ARMH4: variants seen among roughly 807,000 people sequenced by gnomAD.
ARMH4 encodes the protein armadillo like helical domain containing 4, also known as armadillo-like helical domain-containing protein 4.
ARMH4 carries 49 observed loss-of-function variants against 61.9 expected under a neutral mutation model. The ratio of observed to expected loss-of-function variants is 0.79; its 90% confidence interval spans 0.63 to 1.00. The LOEUF (loss-of-function observed/expected upper bound fraction) is 1.00. ARMH4 is among the 50% of genes least tolerant of loss of function. ARMH4 has a pLI of 0.00. For missense variants in ARMH4, 934 were observed against 930.0 expected, an observed-to-expected ratio of 1.00 and a Z score of -0.06; for synonymous variants, 368 against 341.5, an observed-to-expected ratio of 1.08 and a Z score of -0.85.
At chr14:58,052,895 C>T (rs967553750) in intron 5 of ARMH4, among the ~76,000 whole-genome samples, 4 of 152,082 alleles carry the variant, frequency 2.6e-5, no homozygotes, top group Admixed American at 2.6e-4. Context: ...CCCTACTCTT[C>T]CCCTAACTCA....
intron 5 of ARMH4, among the ~76,000 whole-genome samples, chr14:58,096,384 T>C (rs1306133826): frequency 3.9e-5 from 6 of 152,168 alleles, no homozygotes; most frequent in Non-Finnish European, 7.4e-5. Flanking sequence ...TCCTAAAGCC[T>C]ACAACTGTCT....
intron 4 of ARMH4, among the ~76,000 whole-genome samples, chr14:58,102,289 G>A (rs1327623084): frequency 1.3e-5 from 2 of 152,146 alleles, no homozygotes; most frequent in African/African-American, 4.8e-5. Context: ...AAGAACCATG[G>A]TGGTGCAGTG....
At chr14:58,130,325 C>G (rs1181140135) in intron 4 of ARMH4, among the ~76,000 whole-genome samples, 3 of 152,226 alleles carry the variant, frequency 2.0e-5, no homozygotes, top group African/African-American at 7.2e-5. Flanking sequence ...TCATGTTCCT[C>G]TGTCAGCAGC....
At chr14:58,123,473 T>C (rs1487669791) in intron 4 of ARMH4, among the ~76,000 whole-genome samples, 1 of 152,094 alleles carries the variant, frequency 6.6e-6, no homozygotes, top group Non-Finnish European at 1.5e-5. Context: ...GCCCCTGCAA[T>C]ACTCCAATTT....
In ARMH4 at chr14:58,032,133, G is replaced by A. The variant is rs147160969; in HGVS notation, c.2090-19983C>T. 4.8e-3 allele frequency among the ~76,000 whole-genome samples: 732 copies of A among 152,130 alleles called. 6 individuals are homozygous for A. Among genetic ancestry groups the A allele is most frequent in the African/African-American group, 0.016 (663 of 41,492 alleles). On this transcript the variant is annotated intron_variant, in intron 5 of 7. Transcript: ENST00000267485. Reference sequence around the variant, plus strand: ...CCAGCTTAAAGGGCCCTTCGTCGGAGAGGTCTGTTCTGGGCCCTACACTAG... The same window carrying A: ...CCAGCTTAAAGGGCCCTTCGTCGGAAAGGTCTGTTCTGGGCCCTACACTAG...
intron 4 of ARMH4, among the ~76,000 whole-genome samples, chr14:58,109,927 G>A (rs1356078980): frequency 6.6e-6 from 1 of 152,142 alleles, no homozygotes; most frequent in African/African-American, 2.4e-5. Flanking sequence ...TTCACAAGGT[G>A]GCAGGAGTCA....
chr14:58,025,870 G>C (rs2141155333), intron 5 of ARMH4, among the ~76,000 whole-genome samples: 1 of 152,178 alleles, frequency 6.6e-6, no homozygotes, highest in East Asian at 1.9e-4. Context: ...TTTGCACAGG[G>C]CTAAGTGAAC....
chr14:58,018,059 C>A (rs1882679531), intron 5 of ARMH4, among the ~76,000 whole-genome samples: 1 of 152,140 alleles, frequency 6.6e-6, no homozygotes, highest in Admixed American at 6.5e-5. Flanking sequence ...TTTGTGAAAA[C>A]TGGATATCCA....
rs1881992836 is a variant in ARMH4, at chr14:58,001,771, G to A, written c.*2965C>T. The A allele has an allele frequency of 6.6e-6, 1 of 152,116 alleles. No homozygotes were observed. Among genetic ancestry groups the A allele is most frequent in the African/African-American group, 2.4e-5 (1 of 41,406 alleles). 9.4% of individuals were successfully genotyped at this position (152,116 alleles called of 1,614,324 possible). A position where few individuals can be genotyped will look rare whatever the true frequency, so the allele number is the denominator to read the frequency against. ...CTCATCAGGTCTGGGGCAAGGCCTTGAGATCTGTATGTTTCACAAGTGTCC... is the reference window on the plus strand; with the variant it reads ...CTCATCAGGTCTGGGGCAAGGCCTTAAGATCTGTATGTTTCACAAGTGTCC... On this transcript the variant is annotated 3_prime_UTR_variant, in exon 8 of 8. Transcript: ENST00000267485.
intron 5 of ARMH4, among the ~76,000 whole-genome samples, chr14:58,094,939 T>C (rs1885698763): frequency 1.3e-5 from 2 of 152,206 alleles, no homozygotes; most frequent in Admixed American, 1.3e-4. Context: ...TTGTGTATAA[T>C]ACATACCTCA....
chr14:58,081,775 G>C (rs1284325738), intron 5 of ARMH4, among the ~76,000 whole-genome samples: 4 of 151,976 alleles, frequency 2.6e-5, no homozygotes, highest in Non-Finnish European at 5.9e-5. Flanking sequence ...CAAAGTGCTG[G>C]GATTACAGGC....
intron 4 of ARMH4, among the ~76,000 whole-genome samples, chr14:58,098,271 A>C (rs10148042): frequency 0.51 from 77,251 of 151,898 alleles, 19,883 homozygotes; most frequent in African/African-American, 0.55. Context: ...TTTTATTCTT[A>C]TATGTCCTTT....
intron 4 of ARMH4, among the ~76,000 whole-genome samples, chr14:58,097,616 A>C (rs919655066): frequency 6.6e-6 from 1 of 152,222 alleles, no homozygotes; most frequent in African/African-American, 2.4e-5. Context: ...TCAGAAAGGC[A>C]GCACATTAAA....
At chr14:58,018,975 T>C (rs929368609) in intron 5 of ARMH4, among the ~76,000 whole-genome samples, 1 of 152,156 alleles carries the variant, frequency 6.6e-6, no homozygotes, top group African/African-American at 2.4e-5. Context: ...TGCAGCAACA[T>C]GGATGAGCCT....
chr14:58,119,737 G>A (rs1886658690), intron 4 of ARMH4, among the ~76,000 whole-genome samples: 1 of 152,184 alleles, frequency 6.6e-6, no homozygotes, highest in Non-Finnish European at 1.5e-5. Context: ...GCCTGAGGCT[G>A]AGCACCTGAT....
chr14:58,084,439 T>A (rs1277378397), intron 5 of ARMH4, among the ~76,000 whole-genome samples: 1 of 152,192 alleles, frequency 6.6e-6, no homozygotes, highest in East Asian at 1.9e-4. Context: ...TCCTGTGGGA[T>A]GTGCAATACT....
intron 5 of ARMH4, among the ~76,000 whole-genome samples, chr14:58,032,520 A>C (rs76639005): frequency 0.011 from 1,679 of 152,314 alleles, 32 homozygotes; most frequent in African/African-American, 0.039. Context: ...CATCTAAAGA[A>C]ACATTTAAAG....
intron 4 of ARMH4, among the ~76,000 whole-genome samples, chr14:58,102,251 G>C (rs1886008701): frequency 6.6e-6 from 1 of 152,126 alleles, no homozygotes; most frequent in Admixed American, 6.5e-5. Context: ...GAAAGCAAGA[G>C]AGGCTGATGG....
intron 5 of ARMH4, among the ~76,000 whole-genome samples, chr14:58,065,686 T>C (rs866650258): frequency 2.0e-5 from 3 of 152,386 alleles, no homozygotes; most frequent in Middle Eastern, 3.4e-3. Flanking sequence ...AATCTCTTCC[T>C]CTTAGGTGTG....
Sources: gnomAD v4.1 joint callset for allele counts (sites outside exome capture counted in the v4.1 genomes callset) on GRCh38, gnomAD v4.1.1 for gene constraint, MANE v1.5 for transcripts, NCBI Gene and HGNC (gene_info 2026-07-23, HGNC 2026-07-21) for gene names.